The following TLL1 variants were observed in gnomAD, a reference collection of about 807,000 sequenced individuals.
TLL1 encodes the protein tolloid-like protein 1.
A neutral mutation model predicts 128.2 loss-of-function variants in TLL1; 49 were observed. The observed-to-expected ratio is 0.38, with a 90% confidence interval of 0.30 to 0.48. The LOEUF (loss-of-function observed/expected upper bound fraction) is 0.48. Ranked by LOEUF, TLL1 falls within the 20% of genes least tolerant of loss-of-function variation. The probability of loss-of-function intolerance (pLI) is 0.96; values close to 1 mark genes in which losing one functional copy is unlikely to be tolerated. For synonymous variants in TLL1, 454 were observed against 418.8 expected (o/e 1.08, Z -1.03); for missense variants, 1,123 against 1,242.0 (o/e 0.90, Z 1.44).
At chr4:166,027,597 A>G (rs185057342) in intron 9 of TLL1, among the ~76,000 whole-genome samples, 545 of 152,328 alleles carry the variant, frequency 3.6e-3, no homozygotes, top group Middle Eastern at 0.01. Flanking sequence ...ATATGATCAT[A>G]GGTGTTGATC....
Position 166,009,079 on chromosome 4 carries a change from C to T in TLL1, c.917+1031C>T, listed in dbSNP as rs188095686. 1.8e-3 allele frequency among the ~76,000 whole-genome samples: 279 copies of T among 151,426 alleles called. 11 individuals carry two copies. The South Asian group carries it at 0.046, about 25-fold the overall frequency. ...CTAAAGTACATTATTTATAGACATA[C>T]GCATTCATTTGTTAAAATATAATTA... On this transcript the variant is annotated intron_variant, in intron 7 of 20. Coordinates refer to ENST00000061240, the MANE Select transcript of TLL1 (RefSeq NM_012464.5).
intron 9 of TLL1, 53 bp downstream of exon 9, chr4:166,025,484 C>A: frequency 3.0e-6 from 4 of 1,321,470 alleles, no homozygotes; most frequent in Non-Finnish European, 2.2e-6. Flanking sequence ...TACAAAAGTT[C>A]ATCATCCTTC....
chr4:166,042,063 C>A lies in TLL1; in HGVS notation c.1298C>A (p.Thr433Asn), dbSNP rs943466077. The change falls in exon 11 of 21, where the codon ACT (threonine) becomes AAT (asparagine). Residue 433 changes from threonine to asparagine, a missense_variant. Thr to Asn is a moderately conservative substitution (Grantham distance 65). Transcript: ENST00000061240. Reference protein sequence around the residue: ...FCGDKLPEVLTSTDSRMWIEF... With the variant: ...FCGDKLPEVLNSTDSRMWIEF... ...GGGGACAAATTGCCTGAAGTTCTTA[C>A]TTCTACAGACAGCAGAATGTGGATT... 6.2e-7 allele frequency: 1 copy of A among 1,612,208 alleles called. No homozygotes were observed. The highest frequency in any genetic ancestry group is 8.5e-7 in the Non-Finnish European group (1 of 1,178,560).
At chr4:165,970,768 T>G (rs573552194) in intron 1 of TLL1, among the ~76,000 whole-genome samples, 1 of 152,320 alleles carries the variant, frequency 6.6e-6, no homozygotes, top group African/African-American at 2.4e-5. Context: ...ACAGGCATTT[T>G]AAGGACTGTT....
chr4:165,874,731 A>G (rs1245333294), intron 1 of TLL1, among the ~76,000 whole-genome samples: 4 of 152,274 alleles, frequency 2.6e-5, no homozygotes, highest in Admixed American at 6.5e-5. Context: ...TCTTCCTTCC[A>G]GCTAACACCC....
intron 17 of TLL1, among the ~76,000 whole-genome samples, chr4:166,075,738 A>G (rs894041682): frequency 6.6e-6 from 1 of 152,158 alleles, no homozygotes; most frequent in Non-Finnish European, 1.5e-5. Context: ...AGAACTACTA[A>G]GGCAAATTTT....
intron 9 of TLL1, among the ~76,000 whole-genome samples, chr4:166,026,789 T>TG (rs2111071868): frequency 6.6e-6 from 1 of 152,200 alleles, no homozygotes; most frequent in East Asian, 1.9e-4. Flanking sequence ...ATCTAACATT[T>TG]GGGAAAAAAA....
At chr4:165,998,086 T>C (rs2111024358) in intron 5 of TLL1, among the ~76,000 whole-genome samples, 1 of 152,336 alleles carries the variant, frequency 6.6e-6, no homozygotes, top group East Asian at 1.9e-4. Context: ...ACTGCCTTCT[T>C]ATTTCTTCTT....
intron 1 of TLL1, among the ~76,000 whole-genome samples, chr4:165,909,180 C>T (rs184151928): frequency 0.011 from 1,698 of 151,904 alleles, 12 homozygotes; most frequent in Middle Eastern, 0.024. Flanking sequence ...GAGTAAGACT[C>T]CGTCTCAAAA....
intron 1 of TLL1, among the ~76,000 whole-genome samples, chr4:165,972,671 A>C (rs990403340): frequency 6.6e-6 from 1 of 152,188 alleles, no homozygotes; most frequent in African/African-American, 2.4e-5. Flanking sequence ...GTGTTCCTGC[A>C]TGTGACTACA....
chr4:165,974,051 C>G (rs528701110), intron 1 of TLL1, among the ~76,000 whole-genome samples: 1 of 151,506 alleles, frequency 6.6e-6, no homozygotes, highest in Admixed American at 6.6e-5. Context: ...CAAAGTAGAA[C>G]TGTACCCTGG....
chr4:166,020,452 G>A (rs1178923068), intron 8 of TLL1, among the ~76,000 whole-genome samples: 1 of 152,136 alleles, frequency 6.6e-6, no homozygotes, highest in Non-Finnish European at 1.5e-5. Context: ...ATTTGTGAAG[G>A]AGATCATTTC....
intron 1 of TLL1, among the ~76,000 whole-genome samples, chr4:165,969,939 C>T (rs1355355950): frequency 2.0e-5 from 3 of 151,964 alleles, no homozygotes; most frequent in African/African-American, 4.8e-5. Context: ...ATCTATGTAA[C>T]GTTGTATGTG....
chr4:165,923,772 T>C (rs1733151469), intron 1 of TLL1, among the ~76,000 whole-genome samples: 1 of 152,120 alleles, frequency 6.6e-6, no homozygotes, highest in African/African-American at 2.4e-5. Flanking sequence ...TTTATGATGC[T>C]TCACAGATAC....
chr4:166,005,424 G>T (rs987501728), intron 6 of TLL1, among the ~76,000 whole-genome samples: 1 of 151,946 alleles, frequency 6.6e-6, no homozygotes, highest in African/African-American at 2.4e-5. Flanking sequence ...GCAATACTTG[G>T]TAGAGTATGT....
At chr4:166,054,738 T>C (rs1739922060) in intron 12 of TLL1, among the ~76,000 whole-genome samples, 1 of 147,750 alleles carries the variant, frequency 6.8e-6, no homozygotes, top group African/African-American at 2.7e-5. Flanking sequence ...TTTTTAGTGA[T>C]AATTTTTAAT....
chr4:165,933,262 A>G (rs967215043), intron 1 of TLL1, among the ~76,000 whole-genome samples: 1 of 152,110 alleles, frequency 6.6e-6, no homozygotes, highest in African/African-American at 2.4e-5. Flanking sequence ...ATCTGGGTAC[A>G]TAGAGCCCAG....
rs754780211 is a variant in TLL1, at chr4:166,060,125, G to T, written c.1944G>T (p.Val648=). 6 of 1,613,594 alleles carry T rather than the reference G, an allele frequency of 3.7e-6. No individual in the cohort carries two copies. Among genetic ancestry groups the T allele is most frequent in the Non-Finnish European group, 5.1e-6 (6 of 1,179,886 alleles). The change falls in exon 15 of 21, where the codon GTG becomes GTT. Residue 648 remains valine (V), a synonymous_variant. Coordinates refer to ENST00000061240, the MANE Select transcript of TLL1 (RefSeq NM_012464.5). The part of the protein sequence containing the change: ...YPPNKNCVWQ[V]VAPTQYRISV... ...CTAATAAGAACTGTGTGTGGCAAGT[G>T]GTTGCACCAACCCAGTACAGAATTT...
intron 20 of TLL1, among the ~76,000 whole-genome samples, chr4:166,099,888 A>G (rs1742211716): frequency 6.6e-6 from 1 of 152,160 alleles, no homozygotes; most frequent in East Asian, 1.9e-4. Context: ...GAATTAAAGC[A>G]TAAAGGAAAA....
Sources: allele counts gnomAD v4.1 joint callset (sites outside exome capture counted in the v4.1 genomes callset), GRCh38; gene constraint gnomAD v4.1.1; transcripts MANE v1.5; gene names NCBI Gene and HGNC (gene_info 2026-07-23, HGNC 2026-07-21).